Variants in ANO4 observed in about 807,000 individuals in gnomAD.
ANO4 encodes the protein anoctamin-4.
Under a neutral mutation model 141.9 loss-of-function variants are expected in ANO4, and 69 were observed. The observed-to-expected ratio is 0.49, with a 90% CI of 0.40 to 0.59. The LOEUF (loss-of-function observed/expected upper bound fraction) is 0.59, where lower values mean the gene tolerates loss of function less well. ANO4 is among the 20% of genes least tolerant of loss of function. The pLI, the probability that ANO4 is intolerant of heterozygous loss-of-function variation, is 0.00. For synonymous variants in ANO4, 350 were observed against 394.3 expected, an observed-to-expected ratio of 0.89 and a Z score of 1.33; for missense variants, 894 against 1,162.2, an observed-to-expected ratio of 0.77 and a Z score of 3.36.
chr12:101,124,632 G>T (rs1345897493), intron 26 of ANO4, among the ~76,000 whole-genome samples: 2 of 152,112 alleles, frequency 1.3e-5, no homozygotes, highest in Admixed American at 1.3e-4. Flanking sequence ...AATCCATCTT[G>T]AGTTAATTTT....
rs1440230777 is a variant in ANO4 at position 100,918,938 on chromosome 12, G to A, written c.56-3288G>A. Among the ~76,000 whole-genome samples, 3 of 152,056 alleles carry A rather than the reference G, an allele frequency of 2.0e-5. No homozygotes were observed. The East Asian group carries it at 5.8e-4, about 29-fold the overall frequency. ...CCCCTAAGACCTTCCAGTGGAATAA[G>A]TGACATTGATAATCCTGACCTTGTA... is the stretch of plus-strand genomic sequence containing the variant. On this transcript the variant is annotated intron_variant, in intron 2 of 27. Coordinates refer to ENST00000392977, the MANE Select transcript of ANO4 (RefSeq NM_001286615.2).
At chr12:100,952,208 A>T (rs1270070419) in intron 5 of ANO4, among the ~76,000 whole-genome samples, 3 of 152,204 alleles carry the variant, frequency 2.0e-5, no homozygotes, top group African/African-American at 7.2e-5. Context: ...ACTGGCTCTC[A>T]AGCCAGACAG....
chr12:101,029,711 A>G (rs966638627), intron 9 of ANO4, among the ~76,000 whole-genome samples: 3 of 152,030 alleles, frequency 2.0e-5, no homozygotes, highest in African/African-American at 7.2e-5. Flanking sequence ...GGAAATCAAG[A>G]CCATCCTGGC....
rs895352227 is a variant in ANO4, at chr12:101,095,539, T to A, written c.1739-997T>A. On this transcript the variant is annotated intron_variant, in intron 18 of 27. Transcript: ENST00000392977. Reference sequence around the variant, plus strand: ...GTGTCTTTTTGGCCCTCCGCAACAGTATGGCCTTGTCCTAAAACTGACATT... The same window carrying A: ...GTGTCTTTTTGGCCCTCCGCAACAGAATGGCCTTGTCCTAAAACTGACATT... 2.6e-5 allele frequency among the ~76,000 whole-genome samples: 4 copies of A among 152,192 alleles called. No homozygotes were observed. The East Asian group carries it at 5.8e-4, about 22-fold the overall frequency.
chr12:100,836,180 T>C (rs1481052805), intron 1 of ANO4, among the ~76,000 whole-genome samples: 1 of 152,148 alleles, frequency 6.6e-6, no homozygotes, highest in African/African-American at 2.4e-5. Flanking sequence ...CAATAAGTTT[T>C]TGGAGTCCCC....
chr12:100,766,627 T>C (rs1016274462), intron 3 of ANO4, among the ~76,000 whole-genome samples: 1 of 152,172 alleles, frequency 6.6e-6, no homozygotes, highest in African/African-American at 2.4e-5. Context: ...TCAATATTTT[T>C]AAATTTTTTA....
rs17030533 is a variant in ANO4 at position 100,747,508 on chromosome 12, T to G, written c.358+7403T>G. The stretch of plus-strand genomic sequence containing the variant: ...GCAGGAATCATTGAGAACTCTTCCC[T>G]TTGCCTTGTGCCCTCCTTCTCCGGC... On this transcript the variant is annotated intron_variant, in intron 3 of 29. Transcript: ENST00000644049. Among the ~76,000 whole-genome samples the G allele has an allele frequency of 9.4e-3, 1,433 of 152,306 alleles. 30 individuals carry two copies. The highest frequency in any genetic ancestry group is 0.033 in the African/African-American group (1,352 of 41,552).
At chr12:100,911,766 G>A (rs1187666193) in intron 2 of ANO4, among the ~76,000 whole-genome samples, 1 of 152,118 alleles carries the variant, frequency 6.6e-6, no homozygotes, top group East Asian at 1.9e-4. Context: ...TTATTAAGGA[G>A]AGACTTTTAA....
intron 14 of ANO4, among the ~76,000 whole-genome samples, chr12:101,061,703 A>C (rs900470451): frequency 1.3e-4 from 19 of 151,714 alleles, no homozygotes; most frequent in African/African-American, 4.4e-4. Flanking sequence ...TGCTTCACAA[A>C]GTTCTCATGC....
chr12:101,066,636 T>G, intron 14 of ANO4: 1 of 539,992 alleles, frequency 1.9e-6, no homozygotes. Flanking sequence ...GCTGGGAGAG[T>G]ATCCATGGCT....
Position 100,939,458 on chromosome 12 carries a change from GTA to G in ANO4, c.297+11_297+12del. 1 of 1,611,362 alleles carries G rather than the reference GTA, an allele frequency of 6.2e-7. No homozygotes were observed. The highest frequency in any genetic ancestry group is 8.5e-7 in the Non-Finnish European group (1 of 1,178,288). On this transcript the variant is annotated splice_region_variant and intron_variant, in intron 4 of 27. Coordinates refer to ENST00000392977, the MANE Select transcript of ANO4 (RefSeq NM_001286615.2). ...ATTGGAAGCCGGGGGAGAGGTAAGA[GTA>G]TATGATTTCTTACAAATGTAATTCG...
upstream of ANO4, among the ~76,000 whole-genome samples, chr12:100,792,890 T>G (rs886796258): frequency 2.0e-5 from 3 of 152,198 alleles, no homozygotes; most frequent in Non-Finnish European, 4.4e-5. Context: ...AAAACAAACA[T>G]TCAGTTAAAG....
At chr12:101,043,350 C>T (rs1481391578) in intron 12 of ANO4, among the ~76,000 whole-genome samples, 189 bp from the exon 13 acceptor site, 1 of 152,214 alleles carries the variant, frequency 6.6e-6, no homozygotes, top group Non-Finnish European at 1.5e-5. Context: ...GGAACAGCCT[C>T]ATAAGTAGGT....
At chr12:100,904,810 A>G (rs960068377) in intron 2 of ANO4, among the ~76,000 whole-genome samples, 1 of 152,200 alleles carries the variant, frequency 6.6e-6, no homozygotes, top group Non-Finnish European at 1.5e-5. Context: ...AGAATAGATT[A>G]TAGGAGGAGA....
chr12:100,980,535 T>G (rs1248899015), intron 7 of ANO4, among the ~76,000 whole-genome samples: 1 of 152,232 alleles, frequency 6.6e-6, no homozygotes, highest in Non-Finnish European at 1.5e-5. Context: ...GTATGAAATC[T>G]TGATATTTAA....
Position 100,962,247 on chromosome 12 carries a change from A to G in ANO4, c.457-9059A>G, listed in dbSNP as rs552784765. Reference sequence around the variant, plus strand: ...GAGAAAGCTACTCGAAGTCTCGATCACAAGATGTTCATAAATTCATTTAGG... The same window carrying G: ...GAGAAAGCTACTCGAAGTCTCGATCGCAAGATGTTCATAAATTCATTTAGG... On this transcript the variant is annotated intron_variant, in intron 5 of 27. Transcript: ENST00000392977. 4.6e-5 allele frequency among the ~76,000 whole-genome samples: 7 copies of G among 152,348 alleles called. No homozygotes were observed. In the East Asian group the frequency reaches 1.3e-3, roughly 29 times the overall value.
chr12:100,928,238 A>T (rs1592743185), intron 3 of ANO4, among the ~76,000 whole-genome samples: 1 of 152,154 alleles, frequency 6.6e-6, no homozygotes, highest in South Asian at 2.1e-4. Flanking sequence ...TTTGTGGCTG[A>T]CCTTTTACCT....
chr12:101,042,208 C>T (rs2047435139), intron 11 of ANO4, 126 bp from the exon 12 acceptor site: 1 of 1,184,504 alleles, frequency 8.4e-7, no homozygotes, highest in Non-Finnish European at 1.2e-6. Flanking sequence ...GTTCTTTTAT[C>T]TTGGCTTACC....
chr12:100,792,877 A>T (rs1366041442), upstream of ANO4, among the ~76,000 whole-genome samples: 1 of 152,252 alleles, frequency 6.6e-6, no homozygotes, highest in African/African-American at 2.4e-5. Context: ...GTTAATGCAG[A>T]TAAAAACAAA....
Sources: allele counts gnomAD v4.1 joint callset (sites outside exome capture counted in the v4.1 genomes callset), GRCh38; gene constraint gnomAD v4.1.1; transcripts MANE v1.5; gene names NCBI Gene and HGNC (gene_info 2026-07-23, HGNC 2026-07-21).